Variants in PIBF1 observed in about 807,000 individuals in gnomAD.
PIBF1 encodes progesterone-induced-blocking factor 1.
PIBF1 carries 90 observed loss-of-function variants against 112.5 expected under a neutral mutation model. The observed-to-expected ratio is 0.80, with a 90% confidence interval of 0.67 to 0.95. The LOEUF (loss-of-function observed/expected upper bound fraction) is 0.95. PIBF1 is among the 40% of genes least tolerant of loss of function. PIBF1 has a pLI of 0.00. For missense variants in PIBF1, 915 were observed against 852.3 expected (o/e 1.07, Z -0.92); for synonymous variants, 301 against 288.6 (o/e 1.04, Z -0.44).
intron 16 of PIBF1, among the ~76,000 whole-genome samples, chr13:72,994,952 G>A (rs1254726529): frequency 1.3e-5 from 2 of 152,098 alleles, no homozygotes; most frequent in African/African-American, 4.8e-5. Flanking sequence ...ATGTCAAAAA[G>A]GTCGGTGTAA....
At chr13:72,950,696 A>G (rs548621319) in intron 14 of PIBF1, among the ~76,000 whole-genome samples, 5 of 152,354 alleles carry the variant, frequency 3.3e-5, no homozygotes, top group Non-Finnish European at 7.4e-5. Flanking sequence ...ACAAATATTT[A>G]TTGAGTACCT....
Position 73,003,008 on chromosome 13 carries a change from G to A in PIBF1, c.2223+4013G>A, listed in dbSNP as rs865832057. The stretch of plus-strand genomic sequence containing the variant: ...CAAAAAAAAAAAAAAAAAAAAAAAA[G>A]CCTTAGGCTCTAAGTATGGTAGCAA... On this transcript the variant is annotated intron_variant, in intron 17 of 17. Coordinates refer to ENST00000326291, the MANE Select transcript of PIBF1 (RefSeq NM_006346.4). Among the ~76,000 whole-genome samples, 269 of 39,862 alleles carry A rather than the reference G, an allele frequency of 6.7e-3. 1 individual carries two copies. Among genetic ancestry groups the A allele is most frequent in the African/African-American group, 7.7e-3 (93 of 12,002 alleles). 26.2% of individuals were successfully genotyped at this position (39,862 alleles called of 152,430 possible).
Position 72,971,132 on chromosome 13 carries a change from G to T in PIBF1, c.1965-2459G>T, listed in dbSNP as rs896709775. ...TTTAATTACCTCGACATTCCATTCC[G>T]ATTACACTACATATTCTTTAGAAGA... On this transcript the variant is annotated intron_variant, in intron 15 of 17. Transcript: ENST00000326291. Among the ~76,000 whole-genome samples, 9 of 151,564 alleles carry T rather than the reference G, an allele frequency of 5.9e-5. No homozygotes were observed. In the East Asian group the frequency reaches 1.7e-3, roughly 29 times the overall value.
intron 9 of PIBF1, among the ~76,000 whole-genome samples, chr13:72,838,738 A>G (rs1042292799): frequency 6.6e-6 from 1 of 152,200 alleles, no homozygotes; most frequent in Non-Finnish European, 1.5e-5. Flanking sequence ...TTGTCTGCCT[A>G]TTAAGTTAGG....
intron 5 of PIBF1, among the ~76,000 whole-genome samples, chr13:72,804,298 A>C (rs1423002010): frequency 1.3e-5 from 2 of 152,330 alleles, no homozygotes; most frequent in Non-Finnish European, 2.9e-5. Context: ...AAATTTATGT[A>C]TAATTTATAT....
At chr13:72,932,711 G>A (rs1306332427) in intron 14 of PIBF1, among the ~76,000 whole-genome samples, 1 of 152,160 alleles carries the variant, frequency 6.6e-6, no homozygotes, top group Non-Finnish European at 1.5e-5. Flanking sequence ...AAACTCAAGA[G>A]CACAGATAAT....
At chr13:72,784,823 T>G (rs891797752) in intron 2 of PIBF1, among the ~76,000 whole-genome samples, 2 of 152,156 alleles carry the variant, frequency 1.3e-5, no homozygotes, top group African/African-American at 4.8e-5. Flanking sequence ...TATGGATAAA[T>G]TACTTTTGTA....
chr13:72,965,510 G>C, intron 15 of PIBF1, 106 bp downstream of exon 15: 1 of 853,998 alleles, frequency 1.2e-6, no homozygotes, highest in Non-Finnish European at 1.8e-6. Flanking sequence ...TTTAAATAAT[G>C]AAGGTGTCTT....
At chr13:72,928,544 A>T (rs537872062) in intron 13 of PIBF1, among the ~76,000 whole-genome samples, 1 of 152,200 alleles carries the variant, frequency 6.6e-6, no homozygotes, top group African/African-American at 2.4e-5. Context: ...GGTTCAAGCG[A>T]TTCTCCTGCC....
intron 16 of PIBF1, among the ~76,000 whole-genome samples, chr13:72,991,719 ATTT>A (rs762467681): frequency 2.9e-5 from 4 of 135,838 alleles, no homozygotes; most frequent in Admixed American, 7.4e-5. Flanking sequence ...CCCCATCTCA[ATTT>A]TTTTTTTTTT....
chr13:72,783,988 A>G (rs1361469634), intron 2 of PIBF1, among the ~76,000 whole-genome samples: 1 of 151,520 alleles, frequency 6.6e-6, no homozygotes, highest in African/African-American at 2.5e-5. Context: ...AATACATTCA[A>G]GAGATCTATT....
intron 11 of PIBF1, among the ~76,000 whole-genome samples, chr13:72,899,251 G>A (rs2040395714): frequency 6.6e-6 from 1 of 152,060 alleles, no homozygotes; most frequent in Non-Finnish European, 1.5e-5. Flanking sequence ...AGAGAAAGAA[G>A]GAACCCTCCC....
chr13:72,863,756 G>T (rs1462255884), intron 10 of PIBF1, among the ~76,000 whole-genome samples: 1 of 151,930 alleles, frequency 6.6e-6, no homozygotes, highest in Admixed American at 6.6e-5. Flanking sequence ...ATTAAGGATT[G>T]TCTTAAAATA....
chr13:72,860,204 C>T (rs553507797), intron 10 of PIBF1, among the ~76,000 whole-genome samples: 11 of 152,086 alleles, frequency 7.2e-5, no homozygotes, highest in South Asian at 2.1e-4. Flanking sequence ...AAAGAGTTGA[C>T]GCACTCATTA....
intron 8 of PIBF1, among the ~76,000 whole-genome samples, chr13:72,830,844 T>C (rs544408759): frequency 6.6e-6 from 1 of 152,314 alleles, no homozygotes; most frequent in African/African-American, 2.4e-5. Context: ...TCAGAAGGAA[T>C]GGTACCAGCT....
At chr13:72,887,039 C>CTTTTTTTTTTT (rs747807659) in intron 10 of PIBF1, among the ~76,000 whole-genome samples, 1 of 130,770 alleles carries the variant, frequency 7.6e-6, no homozygotes, top group Non-Finnish European at 1.7e-5. Context: ...TATAGTTTTT[C>CTTTTTTTTTTT]TTTTTTTTTT....
At chr13:72,991,549 A>G (rs1301143932) in intron 16 of PIBF1, among the ~76,000 whole-genome samples, 2 of 152,102 alleles carry the variant, frequency 1.3e-5, no homozygotes, top group Non-Finnish European at 2.9e-5. Flanking sequence ...AAGTTAGTAT[A>G]AAAGCATATC....
chr13:72,975,253 G>T (rs2042991364), intron 16 of PIBF1, among the ~76,000 whole-genome samples: 1 of 151,806 alleles, frequency 6.6e-6, no homozygotes, highest in African/African-American at 2.4e-5. Context: ...CTGGGTTTCG[G>T]CATGGTTGGC....
Position 72,892,785 on chromosome 13 carries a change from T to TACACACACACACACACACAC in PIBF1, c.1323-994_1323-975dup, listed in dbSNP as rs113653296. ...TCCCACCCCTTACCTCCTCCTGCCT[T>TACACACACACACACACACAC]ACACACACACACACACACACACACG... is the stretch of plus-strand genomic sequence containing the variant. On this transcript the variant is annotated intron_variant, in intron 10 of 17. Coordinates refer to ENST00000326291, the MANE Select transcript of PIBF1 (RefSeq NM_006346.4). 2.2e-3 allele frequency among the ~76,000 whole-genome samples: 307 copies of TACACACACACACACACACAC among 140,760 alleles called. 1 individual carries two copies. Among genetic ancestry groups the TACACACACACACACACACAC allele is most frequent in the Non-Finnish European group, 3.5e-3 (224 of 64,830 alleles). 92.3% of individuals were successfully genotyped at this position (140,760 alleles called of 152,430 possible).
Sources: allele counts gnomAD v4.1 joint callset (sites outside exome capture counted in the v4.1 genomes callset), GRCh38; gene constraint gnomAD v4.1.1; transcripts MANE v1.5; gene names NCBI Gene and HGNC (gene_info 2026-07-23, HGNC 2026-07-21).